C8orf34: variants seen among roughly 807,000 people sequenced by gnomAD.
The protein encoded by C8orf34 is uncharacterized protein C8orf34.
C8orf34 carries 65 observed loss-of-function variants against 68.3 expected under a neutral mutation model. The ratio of observed to expected loss-of-function variants is 0.95; its 90% CI spans 0.78 to 1.17. The LOEUF (loss-of-function observed/expected upper bound fraction) is 1.17, where lower values mean the gene tolerates loss of function less well. C8orf34 is among the 50% of genes most tolerant of loss of function. C8orf34 has a pLI of 0.00. For missense variants in C8orf34, 664 were observed against 655.4 expected, an observed-to-expected ratio of 1.01 and a Z score of -0.14; for synonymous variants, 244 against 241.2, an observed-to-expected ratio of 1.01 and a Z score of -0.11.
chr8:68,375,114 C>T (rs560723652), intron 1 of C8orf34, among the ~76,000 whole-genome samples: 11 of 152,254 alleles, frequency 7.2e-5, no homozygotes, highest in Non-Finnish European at 1.6e-4. Context: ...TCCACATCCT[C>T]TTATTGGACT....
At chr8:68,613,618 C>A (rs1405943787) in intron 7 of C8orf34, among the ~76,000 whole-genome samples, 3 of 151,744 alleles carry the variant, frequency 2.0e-5, no homozygotes, top group Non-Finnish European at 2.9e-5. Context: ...AGGACATGAA[C>A]TCATCATTTT....
At chr8:68,558,559 C>A in intron 7 of C8orf34, among the ~76,000 whole-genome samples, 1 of 150,190 alleles carries the variant, frequency 6.7e-6, no homozygotes. Flanking sequence ...TAGTAATATG[C>A]TAATAGGAAA....
At chr8:68,471,257 T>C (rs949369712) in intron 4 of C8orf34, among the ~76,000 whole-genome samples, 1 of 152,108 alleles carries the variant, frequency 6.6e-6, no homozygotes, top group Non-Finnish European at 1.5e-5. Flanking sequence ...GTTGGTTACA[T>C]AGGGAAGAAT....
intron 7 of C8orf34, among the ~76,000 whole-genome samples, chr8:68,620,152 G>T (rs1818345881): frequency 1.3e-5 from 2 of 152,190 alleles, no homozygotes; most frequent in South Asian, 2.1e-4. Flanking sequence ...ATGGGGTAGG[G>T]ATAGCACTTC....
At chr8:68,522,699 G>A (rs893182910) in intron 6 of C8orf34, among the ~76,000 whole-genome samples, 2 of 151,984 alleles carry the variant, frequency 1.3e-5, no homozygotes, top group Non-Finnish European at 2.9e-5. Context: ...CAGTTGCAAC[G>A]AGTAAAACTC....
At chr8:68,440,927 C>T (rs945778864) in intron 2 of C8orf34, among the ~76,000 whole-genome samples, 1 of 151,876 alleles carries the variant, frequency 6.6e-6, no homozygotes, top group African/African-American at 2.4e-5. Flanking sequence ...GCTTCAGCCT[C>T]CCGAGTAGCT....
chr8:68,503,718 A>C (rs1813881087), intron 5 of C8orf34, among the ~76,000 whole-genome samples: 1 of 149,212 alleles, frequency 6.7e-6, no homozygotes, highest in Admixed American at 6.7e-5. Flanking sequence ...AAGAAAACTG[A>C]GGCCAAAGTG....
rs149763806 is a variant in C8orf34, at chr8:68,611,961, C to G, written c.1106-28415C>G. Reference sequence around the variant, plus strand: ...CTTTAGATTAATGTGGCTTTGTTTTCAAATACCATATGCCAAGTTTAATGT... The same window carrying G: ...CTTTAGATTAATGTGGCTTTGTTTTGAAATACCATATGCCAAGTTTAATGT... On this transcript the variant is annotated intron_variant, in intron 7 of 13. Transcript: ENST00000518698. Among the ~76,000 whole-genome samples the G allele has an allele frequency of 4.9e-3, 743 of 152,180 alleles. 11 individuals are homozygous for G. The highest frequency in any genetic ancestry group is 0.017 in the African/African-American group (694 of 41,544).
intron 11 of C8orf34, 135 bp downstream of exon 11, chr8:68,776,584 A>G: frequency 1.6e-6 from 1 of 626,406 alleles, no homozygotes; most frequent in South Asian, 2.5e-5. Context: ...CCACAAAAAC[A>G]GGATAATAAA....
intron 1 of C8orf34, among the ~76,000 whole-genome samples, chr8:68,374,464 C>T (rs1807704311): frequency 6.6e-6 from 1 of 152,136 alleles, no homozygotes; most frequent in African/African-American, 2.4e-5. Flanking sequence ...CATTGTAGTT[C>T]AAACTTACCA....
chr8:68,468,290 C>A (rs1026371390), intron 3 of C8orf34, among the ~76,000 whole-genome samples: 1 of 151,952 alleles, frequency 6.6e-6, no homozygotes, highest in Non-Finnish European at 1.5e-5. Flanking sequence ...AAGATAAATA[C>A]GTATATTTAG....
At chr8:68,330,527 C>A (rs780499258), upstream of C8orf34, among the ~76,000 whole-genome samples, 5 of 152,142 alleles carry the variant, frequency 3.3e-5, no homozygotes, top group African/African-American at 7.2e-5. Flanking sequence ...TCAACCCCTG[C>A]GCTAGAGTAG....
At chr8:68,705,588 C>A (rs1367638129) in intron 8 of C8orf34, among the ~76,000 whole-genome samples, 1 of 152,056 alleles carries the variant, frequency 6.6e-6, no homozygotes, top group African/African-American at 2.4e-5. Context: ...CAAATTAAAA[C>A]AGGTTGAGGA....
chr8:68,583,319 T>C (rs1817119026), intron 7 of C8orf34, among the ~76,000 whole-genome samples: 1 of 152,144 alleles, frequency 6.6e-6, no homozygotes, highest in African/African-American at 2.4e-5. Flanking sequence ...AAAACTTCAT[T>C]GGGCTCTATT....
intron 8 of C8orf34, among the ~76,000 whole-genome samples, chr8:68,706,652 G>A (rs1162600555): frequency 6.6e-6 from 1 of 152,202 alleles, no homozygotes; most frequent in African/African-American, 2.4e-5. Flanking sequence ...TTGGGTTAAG[G>A]AAGGTGAAGT....
intron 1 of C8orf34, among the ~76,000 whole-genome samples, chr8:68,407,704 G>T (rs1284888699): frequency 6.6e-6 from 1 of 151,868 alleles, no homozygotes; most frequent in Non-Finnish European, 1.5e-5. Context: ...AAAATGTTAG[G>T]CCTTTTGTAT....
chr8:68,731,642 T>A (rs1227270014), intron 10 of C8orf34, among the ~76,000 whole-genome samples: 1 of 152,204 alleles, frequency 6.6e-6, no homozygotes, highest in Non-Finnish European at 1.5e-5. Flanking sequence ...AAAAATTACA[T>A]CTATCTTACA....
At chr8:68,464,665 T>A (rs1390614774) in intron 3 of C8orf34, among the ~76,000 whole-genome samples, 3 of 151,954 alleles carry the variant, frequency 2.0e-5, no homozygotes, top group Non-Finnish European at 4.4e-5. Context: ...AACTATCTGA[T>A]CTTTGACAAA....
chr8:68,587,626 T>C (rs1342066614), intron 7 of C8orf34, among the ~76,000 whole-genome samples: 3 of 152,218 alleles, frequency 2.0e-5, no homozygotes, highest in South Asian at 4.1e-4. Flanking sequence ...AAAATGAAAT[T>C]AACAGATATA....
Sources: gnomAD v4.1 joint callset for allele counts (sites outside exome capture counted in the v4.1 genomes callset) on GRCh38, gnomAD v4.1.1 for gene constraint, MANE v1.5 for transcripts, NCBI Gene and HGNC (gene_info 2026-07-23, HGNC 2026-07-21) for gene names.